ELFN2: variants seen among roughly 807,000 people sequenced by gnomAD.
The protein encoded by ELFN2 is protein phosphatase 1 regulatory subunit 29.
Under a neutral mutation model 45.5 loss-of-function variants are expected in ELFN2, and 17 were observed. That is an observed-to-expected ratio of 0.37 (90% CI 0.26 to 0.56). The LOEUF (loss-of-function observed/expected upper bound fraction) is 0.56, where lower values mean the gene tolerates loss of function less well. Among genes scored for constraint, ELFN2 ranks in the 20% least tolerant of loss-of-function variants. The pLI, the probability that ELFN2 is intolerant of heterozygous loss-of-function variation, is 0.77. For missense variants in ELFN2, 922 were observed against 1,183.2 expected (o/e 0.78, Z 3.24); for synonymous variants, 550 against 551.5 (o/e 1.00, Z 0.04).
At chr22:37,409,057 C>G (rs1334612465) in intron 2 of ELFN2, among the ~76,000 whole-genome samples, 1 of 152,192 alleles carries the variant, frequency 6.6e-6, no homozygotes, top group Non-Finnish European at 1.5e-5. Context: ...CCAGCTTGGC[C>G]AAGGGAACAA....
intron 2 of ELFN2, among the ~76,000 whole-genome samples, chr22:37,416,791 T>C (rs562732847): frequency 3.4e-5 from 5 of 147,666 alleles, no homozygotes; most frequent in Admixed American, 3.4e-4. Flanking sequence ...CCACACCTCC[T>C]CCGTCCTCCG....
rs1418430335 is a variant in ELFN2 at position 37,369,765 on chromosome 22, TC to T, written c.*3306del. On this transcript the variant is annotated 3_prime_UTR_variant, in exon 3 of 3. Coordinates refer to ENST00000402918, the MANE Select transcript of ELFN2 (RefSeq NM_052906.5). ...TTGTTCCGGCCCAAGGCAGGAGGCCTCCCCGCAGAGGTCCAGGGCGTGGCAC... is the reference window on the plus strand; with the variant it reads ...TTGTTCCGGCCCAAGGCAGGAGGCCTCCCGCAGAGGTCCAGGGCGTGGCAC... 1 of 152,248 alleles carries T rather than the reference TC, an allele frequency of 6.6e-6. No homozygotes were observed. Among genetic ancestry groups the T allele is most frequent in the Non-Finnish European group, 1.5e-5 (1 of 68,112 alleles). The allele number at this position is 152,248 out of a possible 1,614,324, so 9.4% of individuals were successfully genotyped here. A position where few individuals can be genotyped will look rare whatever the true frequency, so the allele number is the denominator to read the frequency against.
chr22:37,359,597 G>A (rs553200719), intron 1 of ELFN2, among the ~76,000 whole-genome samples: 16 of 152,324 alleles, frequency 1.1e-4, no homozygotes, highest in South Asian at 4.1e-4. Flanking sequence ...CAAGGCTTCC[G>A]TGCCTCGATA....
chr22:37,362,495 G>C (rs1931114123), intron 1 of ELFN2, among the ~76,000 whole-genome samples: 1 of 152,216 alleles, frequency 6.6e-6, no homozygotes, highest in South Asian at 2.1e-4. Context: ...GGTTGACAGG[G>C]CCGGCACAGG....
Position 37,368,948 on chromosome 22 carries a change from A to AT in ELFN2, c.*4123dup, listed in dbSNP as rs1316410203. ...TCACAGCTTGGCTCCCTGTCCCCCC[A>AT]TCCCACACAGGATGCTCCCTGACCA... On this transcript the variant is annotated 3_prime_UTR_variant, in exon 3 of 3. Transcript: ENST00000402918. The AT allele has an allele frequency of 1.6e-5, 2 of 126,800 alleles. No individual in the cohort carries two copies. The highest frequency in any genetic ancestry group is 6.0e-5 in the African/African-American group (2 of 33,254). 7.9% of individuals were successfully genotyped at this position (126,800 alleles called of 1,614,324 possible).
intron 2 of ELFN2, among the ~76,000 whole-genome samples, chr22:37,400,905 C>T (rs1035737644): frequency 1.3e-5 from 2 of 152,234 alleles, no homozygotes; most frequent in African/African-American, 2.4e-5. Context: ...CCCTAAGTGG[C>T]GAAAACGGTC....
intron 1 of ELFN2, among the ~76,000 whole-genome samples, chr22:37,343,512 ACTGTCGGTTTCACGC>A (rs1375937181): frequency 6.6e-6 from 1 of 151,646 alleles, no homozygotes; most frequent in Non-Finnish European, 1.5e-5. Context: ...CCTGGGCTCC[ACTGTCGGTTTCACGC>A]CTCCTCCGCC....
At chr22:37,364,709 C>T (rs1931163002), downstream of ELFN2, among the ~76,000 whole-genome samples, 1 of 152,212 alleles carries the variant, frequency 6.6e-6, no homozygotes, top group African/African-American at 2.4e-5. Flanking sequence ...CCATAACAAT[C>T]CAGGCCAAAT....
At chr22:37,364,826 G>C (rs1601739298), downstream of ELFN2, among the ~76,000 whole-genome samples, 1 of 152,300 alleles carries the variant, frequency 6.6e-6, no homozygotes, top group South Asian at 2.1e-4. Context: ...GGGCTGGGCG[G>C]TGGGCCCCAG....
At chr22:37,387,929 G>A (rs539702464) in intron 2 of ELFN2, among the ~76,000 whole-genome samples, 189 of 151,618 alleles carry the variant, frequency 1.2e-3, no homozygotes, top group Non-Finnish European at 2.2e-3. Context: ...CCACCTCCAC[G>A]GCTGGACTCA....
chr22:37,354,165 G>T (rs1930891019), intron 1 of ELFN2: 1 of 152,224 alleles, frequency 6.6e-6, no homozygotes. Flanking sequence ...GCAGAATTCG[G>T]TTCATGTGGA....
rs1189747214 is a variant in ELFN2, at chr22:37,376,000, A to C, written c.-462-4T>G. On this transcript the variant is annotated splice_polypyrimidine_tract_variant and splice_region_variant and intron_variant, in intron 2 of 2. Transcript: ENST00000402918. ...GAGACCCATCTGCACCTGGTTCCTG[A>C]AAGGCAGCATCGAGAGCGGGTGACA... The C allele has an allele frequency of 5.4e-6, 1 of 185,132 alleles. No homozygotes were observed. Among genetic ancestry groups the C allele is most frequent in the Non-Finnish European group, 1.1e-5 (1 of 88,442 alleles). 11.5% of individuals were successfully genotyped at this position (185,132 alleles called of 1,614,324 possible).
intron 1 of ELFN2, among the ~76,000 whole-genome samples, chr22:37,422,005 G>A (rs921476093): frequency 6.6e-6 from 1 of 152,228 alleles, no homozygotes; most frequent in Non-Finnish European, 1.5e-5. Flanking sequence ...CTAGGCCCAC[G>A]GCAGGCTGGT....
rs558779130 is a variant in ELFN2, at chr22:37,395,521, G to A, written c.-462-19525C>T. ...ACACACCAAGGTGTTGTCCCCTCTA[G>A]CTCTGCCCAGATCTCCTTCCCAGCC... On this transcript the variant is annotated intron_variant, in intron 2 of 2. Transcript: ENST00000402918. Among the ~76,000 whole-genome samples, 6 of 152,296 alleles carry A rather than the reference G, an allele frequency of 3.9e-5. No individual in the cohort carries two copies. The East Asian group carries it at 7.7e-4, about 20-fold the overall frequency.
At chr22:37,356,359 C>T (rs544561220) in intron 1 of ELFN2, among the ~76,000 whole-genome samples, 6 of 152,110 alleles carry the variant, frequency 3.9e-5, no homozygotes, top group African/African-American at 7.2e-5. Context: ...CCCCAGACCC[C>T]GGGGAAGAGT....
At position 37,345,571 on chromosome 22, in the gene ELFN2, G is replaced by A. The variant is rs556946157; in HGVS notation, n.149-2868C>T. On this transcript the variant is annotated intron_variant and non_coding_transcript_variant, in intron 1 of 2. Coordinates refer to ENST00000452946, the Ensembl canonical transcript of ELFN2. ...TCTTTTTTTTTTTTTTTTTTGAGAC[G>A]AAGTCTCACTCTGTCACCCAGGCTG... 6.2e-4 allele frequency among the ~76,000 whole-genome samples: 86 copies of A among 138,996 alleles called. 1 individual carries two copies. The highest frequency in any genetic ancestry group is 1.9e-3 in the South Asian group (8 of 4,270). 91.2% of individuals were successfully genotyped at this position (138,996 alleles called of 152,430 possible).
intron 2 of ELFN2, among the ~76,000 whole-genome samples, chr22:37,402,708 A>T (rs530394537): frequency 6.6e-6 from 1 of 152,120 alleles, no homozygotes; most frequent in Non-Finnish European, 1.5e-5. Flanking sequence ...TGGCAGCTGG[A>T]GGAGCAAATA....
At chr22:37,362,439 A>G (rs925784888) in intron 1 of ELFN2, among the ~76,000 whole-genome samples, 3 of 152,204 alleles carry the variant, frequency 2.0e-5, no homozygotes, top group African/African-American at 7.2e-5. Context: ...TGGAGCAGAC[A>G]TCTCAGCAGG....
At chr22:37,406,728 G>A (rs1033508924) in intron 2 of ELFN2, among the ~76,000 whole-genome samples, 1 of 152,280 alleles carries the variant, frequency 6.6e-6, no homozygotes. Context: ...GGGAGGCTGA[G>A]GGGGAAGCTG....
Sources: gnomAD v4.1 joint callset for allele counts (sites outside exome capture counted in the v4.1 genomes callset) on GRCh38, gnomAD v4.1.1 for gene constraint, MANE v1.5 for transcripts, NCBI Gene and HGNC (gene_info 2026-07-23, HGNC 2026-07-21) for gene names.